CNOT9: variants seen among roughly 807,000 people sequenced by gnomAD.
The protein encoded by CNOT9 is RCD1 required for cell differentiation1 homolog.
A neutral mutation model predicts 37.4 loss-of-function variants in CNOT9; 8 were observed. The observed-to-expected ratio is 0.21, with a 90% CI of 0.13 to 0.39. CNOT9 has a LOEUF of 0.39. Among genes scored for constraint, CNOT9 ranks in the 10% least tolerant of loss-of-function variants. The pLI is 1.00. For synonymous variants in CNOT9, 120 were observed against 137.6 expected, an observed-to-expected ratio of 0.87 and a Z score of 0.90; for missense variants, 154 against 365.3, an observed-to-expected ratio of 0.42 and a Z score of 4.71.
At chr2:218,578,426 A>C (rs754893977) in intron 1 of CNOT9, among the ~76,000 whole-genome samples, 5 of 152,244 alleles carry the variant, frequency 3.3e-5, no homozygotes, top group Non-Finnish European at 7.3e-5. Context: ...TCTGATCTTC[A>C]ACAAAGGCAG....
intron 7 of CNOT9, chr2:218,593,605 A>T: frequency 1.4e-6 from 2 of 1,460,510 alleles, no homozygotes; most frequent in Non-Finnish European, 1.8e-6. Context: ...TAATACTGCT[A>T]CCATAGTTTT....
chr2:218,596,787 A>T lies in CNOT9; in HGVS notation c.*2511A>T, dbSNP rs965264087. 2 of 152,322 alleles carry T rather than the reference A, an allele frequency of 1.3e-5. No homozygotes were observed. Among genetic ancestry groups the T allele is most frequent in the Non-Finnish European group, 2.9e-5 (2 of 68,034 alleles). The allele number at this position is 152,322 out of a possible 1,614,324, so 9.4% of individuals were successfully genotyped here. A position where few individuals can be genotyped will look rare whatever the true frequency, so the allele number is the denominator to read the frequency against. On this transcript the variant is annotated 3_prime_UTR_variant, in exon 8 of 8. Coordinates refer to ENST00000273064, the MANE Select transcript of CNOT9 (RefSeq NM_005444.3). ...GACAAGGTAATGCTTGAAACATCTT[A>T]CGAACTTTGATGTTCATTTCCTCAA...
intron 4 of CNOT9, among the ~76,000 whole-genome samples, chr2:218,585,976 G>A (rs1422459343): frequency 4.6e-5 from 7 of 152,068 alleles, no homozygotes; most frequent in Non-Finnish European, 7.4e-5. Context: ...TAACAGCACC[G>A]AAATGTGAAA....
At chr2:218,569,607 C>T (rs1194233009) in intron 1 of CNOT9, among the ~76,000 whole-genome samples, 1 of 152,160 alleles carries the variant, frequency 6.6e-6, no homozygotes, top group African/African-American at 2.4e-5. Context: ...CTTGCCATAG[C>T]CTGCACGGCC....
At chr2:218,575,276 A>C (rs1694126296) in intron 1 of CNOT9, among the ~76,000 whole-genome samples, 1 of 152,026 alleles carries the variant, frequency 6.6e-6, no homozygotes, top group African/African-American at 2.4e-5. Flanking sequence ...ACATGGATAC[A>C]TTGCAGGAAC....
intron 1 of CNOT9, among the ~76,000 whole-genome samples, chr2:218,571,182 G>A (rs149770460): frequency 4.1e-4 from 62 of 152,336 alleles, no homozygotes; most frequent in African/African-American, 1.4e-3. Context: ...ATGAAAGTGT[G>A]TATCTGTGAC....
At position 218,568,917 on chromosome 2, in the gene CNOT9, G is replaced by C; in HGVS notation, c.-38G>C. 6.2e-7 allele frequency: 1 copy of C among 1,600,060 alleles called. No individual in the cohort carries two copies. The highest frequency in any genetic ancestry group is 8.5e-7 in the Non-Finnish European group (1 of 1,173,032). ...GCTGAAGGGGGGACGCGGGTCGGAC[G>C]CGTCCGGCTGTGGAAGAGAGCGGCG... On this transcript the variant is annotated 5_prime_UTR_variant, in exon 1 of 8. Coordinates refer to ENST00000273064, the MANE Select transcript of CNOT9 (RefSeq NM_005444.3).
chr2:218,589,429 G>T (rs1336539599), intron 5 of CNOT9: 1 of 152,044 alleles, frequency 6.6e-6, no homozygotes, highest in Admixed American at 6.6e-5. Flanking sequence ...CGACCTCCTA[G>T]GTTCAGTTGA....
chr2:218,584,535 A>G (rs1274748107), intron 3 of CNOT9, 77 bp from the exon 4 acceptor site: 1 of 1,021,684 alleles, frequency 9.8e-7, no homozygotes, highest in East Asian at 2.4e-5. Flanking sequence ...TACAGAATTA[A>G]CCACCTAGAA....
chr2:218,576,966 CAA>C (rs34234485), intron 1 of CNOT9, among the ~76,000 whole-genome samples: 6 of 136,998 alleles, frequency 4.4e-5, no homozygotes, highest in South Asian at 2.3e-4. Context: ...GGCTCCATCT[CAA>C]AAAAAAAAAA....
chr2:218,587,267 A>C, intron 4 of CNOT9: 1 of 168,184 alleles, frequency 5.9e-6, no homozygotes, highest in Non-Finnish European at 1.2e-5. Flanking sequence ...GGATTACAGG[A>C]GCCTGCCACC....
At chr2:218,584,765 A>G in intron 4 of CNOT9, 44 bp downstream of exon 4, 3 of 1,330,498 alleles carry the variant, frequency 2.3e-6, no homozygotes, top group Non-Finnish European at 2.2e-6. Context: ...TACTCACAGT[A>G]GTAGTCTAAG....
rs535473034 is a variant in CNOT9 at position 218,590,380 on chromosome 2, A to G, written c.541-1924A>G. ...TTGTATTTTAATCTGGTTATAGTAC[A>G]TAATGTGTACATAGGTAAAAATTCA... is the stretch of plus-strand genomic sequence containing the variant. On this transcript the variant is annotated intron_variant, in intron 5 of 7. Coordinates refer to ENST00000273064, the MANE Select transcript of CNOT9 (RefSeq NM_005444.3). Among the ~76,000 whole-genome samples the G allele has an allele frequency of 1.8e-4, 28 of 152,376 alleles. 1 individual carries two copies. Among genetic ancestry groups the G allele is most frequent in the African/African-American group, 5.3e-4 (22 of 41,596 alleles).
chr2:218,574,899 A>C (rs1255886659), intron 1 of CNOT9, among the ~76,000 whole-genome samples: 1 of 152,188 alleles, frequency 6.6e-6, no homozygotes, highest in African/African-American at 2.4e-5. Context: ...AATCTATTGA[A>C]GCGTACACTT....
rs574289574 is a variant in CNOT9 at position 218,592,989 on chromosome 2, A to G, written c.731+282A>G. ...ATGATGCATTACTCCTGTTGTTTGA[A>G]TTTTCTGTTGCTACTCTACGTGGTC... On this transcript the variant is annotated intron_variant, in intron 7 of 7. Coordinates refer to ENST00000273064, the MANE Select transcript of CNOT9 (RefSeq NM_005444.3). This position sits in a 1 kb window ranked among gnomAD's most constrained non-coding sequence, Gnocchi z 4.1. 8.2e-5 allele frequency: 33 copies of G among 402,072 alleles called. No individual in the cohort carries two copies. Among genetic ancestry groups the G allele is most frequent in the Non-Finnish European group, 7.6e-5 (17 of 224,906 alleles). 24.9% of individuals were successfully genotyped at this position (402,072 alleles called of 1,614,324 possible). A position where few individuals can be genotyped will look rare whatever the true frequency, so the allele number is the denominator to read the frequency against.
Position 218,595,663 on chromosome 2 carries a change from C to T in CNOT9, c.*1387C>T, listed in dbSNP as rs1310731798. ...AAAGATGGGATTGCTTAATCCAACT[C>T]TGGAGAGGGACCAAGTCTTTTCTGC... On this transcript the variant is annotated 3_prime_UTR_variant, in exon 8 of 8. Coordinates refer to ENST00000273064, the MANE Select transcript of CNOT9 (RefSeq NM_005444.3). 6.6e-6 allele frequency: 1 copy of T among 151,308 alleles called. No homozygotes were observed. Among genetic ancestry groups the T allele is most frequent in the Admixed American group, 6.6e-5 (1 of 15,138 alleles). The allele number at this position is 151,308 out of a possible 1,614,324, so 9.4% of individuals were successfully genotyped here. A position where few individuals can be genotyped will look rare whatever the true frequency, so the allele number is the denominator to read the frequency against.
intron 2 of CNOT9, chr2:218,581,192 G>A (rs112010726): frequency 0.014 from 4,174 of 299,174 alleles, 186 homozygotes; most frequent in African/African-American, 0.091. Flanking sequence ...TTTTTGAGAC[G>A]GAATCTCGCT....
At position 218,595,750 on chromosome 2, in the gene CNOT9, C is replaced by T. The variant is rs200839985; in HGVS notation, c.*1474C>T. ...GGGGAGGGTCTATAAGGGGTAGGCT[C>T]AAAAAAAAAAAAACCCATTTGCAGA... On this transcript the variant is annotated 3_prime_UTR_variant, in exon 8 of 8. Coordinates refer to ENST00000273064, the MANE Select transcript of CNOT9 (RefSeq NM_005444.3). The T allele has an allele frequency of 7.8e-6, 1 of 128,182 alleles. No individual in the cohort carries two copies. The highest frequency in any genetic ancestry group is 2.9e-5 in the African/African-American group (1 of 34,640). 7.9% of individuals were successfully genotyped at this position (128,182 alleles called of 1,614,324 possible).
chr2:218,571,502 G>T (rs976337005), intron 1 of CNOT9, among the ~76,000 whole-genome samples: 1 of 151,996 alleles, frequency 6.6e-6, no homozygotes, highest in African/African-American at 2.4e-5. Flanking sequence ...AGATAGTATG[G>T]GAAGTATCTT....
Sources: allele counts gnomAD v4.1 joint callset (sites outside exome capture counted in the v4.1 genomes callset), GRCh38; gene constraint gnomAD v4.1.1; non-coding constraint Gnocchi (gnomAD v3.1); transcripts MANE v1.5; gene names NCBI Gene and HGNC (gene_info 2026-07-23, HGNC 2026-07-21).